The following COL26A1 variants were observed in gnomAD, a reference collection of about 807,000 sequenced individuals.
COL26A1 encodes collagen alpha-1(XXVI) chain.
COL26A1 carries 41 observed loss-of-function variants against 59.3 expected under a neutral mutation model. The observed-to-expected ratio is 0.69, with a 90% CI of 0.54 to 0.90. The LOEUF (loss-of-function observed/expected upper bound fraction) is 0.90. Among genes scored for constraint, COL26A1 ranks in the 40% least tolerant of loss-of-function variants. COL26A1 has a pLI of 0.00. For missense variants in COL26A1, 612 were observed against 602.3 expected, an observed-to-expected ratio of 1.02 and a Z score of -0.17; for synonymous variants, 266 against 256.0, an observed-to-expected ratio of 1.04 and a Z score of -0.37.
intron 3 of COL26A1, among the ~76,000 whole-genome samples, chr7:101,476,952 T>C (rs1424681901): frequency 1.3e-5 from 2 of 151,892 alleles, no homozygotes; most frequent in Admixed American, 6.6e-5. Flanking sequence ...CAAGTGATTC[T>C]CCTGCCTCAG....
At chr7:101,373,978 G>A (rs1340842033) in intron 1 of COL26A1, among the ~76,000 whole-genome samples, 1 of 152,182 alleles carries the variant, frequency 6.6e-6, no homozygotes, top group Non-Finnish European at 1.5e-5. Context: ...CAGAGTGTGT[G>A]AGCTGGACCC....
In COL26A1 at chr7:101,362,992, T is replaced by TCGTGCCCGGGACTC. The variant is rs2116983577; in HGVS notation, c.-38_-25dup. 1 of 1,542,400 alleles carries TCGTGCCCGGGACTC rather than the reference T, an allele frequency of 6.5e-7. No individual in the cohort carries two copies. The highest frequency in any genetic ancestry group is 8.7e-7 in the Non-Finnish European group (1 of 1,153,736). ...GGCGCCGGTGCGCTCCTGCCGGTCC[T>TCGTGCCCGGGACTC]CGTGCCCGGGACTCCGGGTCCCCGC... On this transcript the variant is annotated 5_prime_UTR_variant, in exon 1 of 13. Transcript: ENST00000313669.
At chr7:101,520,660 A>ACACACACACACACACC (rs1332257350) in intron 3 of COL26A1, among the ~76,000 whole-genome samples, 4 of 141,622 alleles carry the variant, frequency 2.8e-5, no homozygotes, top group African/African-American at 1.0e-4. Context: ...ACACACACAC[A>ACACACACACACACACC]CACCCCCGTG....
At chr7:101,441,133 G>A (rs1793049529) in intron 2 of COL26A1, among the ~76,000 whole-genome samples, 1 of 152,022 alleles carries the variant, frequency 6.6e-6, no homozygotes, top group African/African-American at 2.4e-5. Flanking sequence ...TAGTATTACT[G>A]GGCTCTGGAA....
chr7:101,405,588 C>T (rs1021164387), intron 1 of COL26A1, among the ~76,000 whole-genome samples: 1 of 152,068 alleles, frequency 6.6e-6, no homozygotes, highest in Non-Finnish European at 1.5e-5. Context: ...TAAAATGATC[C>T]TCCTTAAATG....
intron 3 of COL26A1, among the ~76,000 whole-genome samples, chr7:101,508,910 C>A (rs1385842856): frequency 6.6e-6 from 1 of 151,750 alleles, no homozygotes; most frequent in Non-Finnish European, 1.5e-5. Flanking sequence ...GAGGCTGAGG[C>A]GGGAGGATCC....
At chr7:101,471,576 T>G (rs1242719921) in intron 3 of COL26A1, among the ~76,000 whole-genome samples, 23 of 87,868 alleles carry the variant, frequency 2.6e-4, no homozygotes, top group Middle Eastern at 4.5e-3. Context: ...TGTTTGTTTT[T>G]TTTTTTTTTT....
Position 101,557,259 on chromosome 7 carries a change from C to T in COL26A1, c.1166-111C>T, listed in dbSNP as rs1433544622. 10 of 1,120,146 alleles carry T rather than the reference C, an allele frequency of 8.9e-6. No homozygotes were observed. The East Asian group carries it at 2.6e-4, about 29-fold the overall frequency. 69.4% of individuals were successfully genotyped at this position (1,120,146 alleles called of 1,614,324 possible). On this transcript the variant is annotated intron_variant, in intron 12 of 12. Coordinates refer to ENST00000313669, the MANE Select transcript of COL26A1 (RefSeq NM_001278563.3). ...GGGCTGAAAGCCTGCTGCTGCCTTG[C>T]TTCTCCACGCTGGGCAAGAGCATCT...
chr7:101,483,197 A>T (rs1330481653), intron 3 of COL26A1, among the ~76,000 whole-genome samples: 1 of 148,328 alleles, frequency 6.7e-6, no homozygotes. Flanking sequence ...GAAAGAAATT[A>T]GCTTTTTTTT....
chr7:101,534,816 T>G (rs1795448059), intron 4 of COL26A1, among the ~76,000 whole-genome samples: 1 of 150,228 alleles, frequency 6.7e-6, no homozygotes, highest in Non-Finnish European at 1.5e-5. Flanking sequence ...GCCAGCTGGG[T>G]GACTCTCTCA....
At chr7:101,377,203 T>G (rs988277683) in intron 1 of COL26A1, among the ~76,000 whole-genome samples, 1 of 151,950 alleles carries the variant, frequency 6.6e-6, no homozygotes, top group Non-Finnish European at 1.5e-5. Flanking sequence ...GATGGGGGTG[T>G]CACTATGTTG....
intron 3 of COL26A1, among the ~76,000 whole-genome samples, chr7:101,463,775 T>TTCTTTCTTTCTCTC (rs1554416028): frequency 6.7e-5 from 8 of 119,454 alleles, no homozygotes; most frequent in African/African-American, 2.1e-4. Context: ...CCTTCCTTCT[T>TTCTTTCTTTCTCTC]TCTTTCTTTC....
chr7:101,491,525 C>G (rs1035507003), intron 3 of COL26A1, among the ~76,000 whole-genome samples: 5 of 152,164 alleles, frequency 3.3e-5, no homozygotes, highest in Non-Finnish European at 4.4e-5. Flanking sequence ...AAGGGCTACT[C>G]CATAGACAGA....
At chr7:101,429,576 C>A (rs938807538) in intron 2 of COL26A1, among the ~76,000 whole-genome samples, 1 of 119,332 alleles carries the variant, frequency 8.4e-6, no homozygotes, top group African/African-American at 3.3e-5. Context: ...TCTTTTTTTT[C>A]CTTTCTTTTT....
intron 2 of COL26A1, among the ~76,000 whole-genome samples, chr7:101,424,352 C>T (rs934725938): frequency 3.9e-5 from 6 of 152,062 alleles, no homozygotes; most frequent in African/African-American, 1.2e-4. Context: ...AATCCCGGCA[C>T]TTTGGGGGGC....
Position 101,414,432 on chromosome 7 carries a change from T to TTGTGTGTGTGTGTG in COL26A1, c.159-5531_159-5518dup, listed in dbSNP as rs34282686. On this transcript the variant is annotated intron_variant, in intron 1 of 12. Coordinates refer to ENST00000313669, the MANE Select transcript of COL26A1 (RefSeq NM_001278563.3). ...GCTCGCTCTCGCTCTCACTCTGTGT[T>TTGTGTGTGTGTGTG]TGTGTGTGTGTGTGTGTGTGTGTGT... Among the ~76,000 whole-genome samples the TTGTGTGTGTGTGTG allele has an allele frequency of 1.7e-3, 255 of 146,268 alleles. 2 individuals are homozygous for TTGTGTGTGTGTGTG. The highest frequency in any genetic ancestry group is 5.8e-3 in the African/African-American group (230 of 39,652).
At chr7:101,547,669 T>C (rs1474566370) in intron 8 of COL26A1, among the ~76,000 whole-genome samples, 1 of 152,260 alleles carries the variant, frequency 6.6e-6, no homozygotes, top group Admixed American at 6.5e-5. Context: ...AATGCAGGGC[T>C]GACTGCCTTG....
chr7:101,547,375 C>A, intron 8 of COL26A1, 136 bp downstream of exon 8: 1 of 548,106 alleles, frequency 1.8e-6, no homozygotes, highest in Non-Finnish European at 3.3e-6. Context: ...TGGGTCTGTC[C>A]CACCCGCTGT....
chr7:101,368,653 G>A (rs753662430), intron 1 of COL26A1, among the ~76,000 whole-genome samples: 1 of 152,122 alleles, frequency 6.6e-6, no homozygotes, highest in Non-Finnish European at 1.5e-5. Context: ...GGTAACTTCC[G>A]GGTGTTGCCC....
Sources: allele counts gnomAD v4.1 joint callset (sites outside exome capture counted in the v4.1 genomes callset), GRCh38; gene constraint gnomAD v4.1.1; transcripts MANE v1.5; gene names NCBI Gene and HGNC (gene_info 2026-07-23, HGNC 2026-07-21).